EPB41L4A: variants seen among roughly 807,000 people sequenced by gnomAD.
EPB41L4A encodes the protein erythrocyte membrane protein band 4.1 like 4A.
A neutral mutation model predicts 108.6 loss-of-function variants in EPB41L4A; 100 were observed. The ratio of observed to expected loss-of-function variants is 0.92; its 90% CI spans 0.78 to 1.09. The LOEUF (loss-of-function observed/expected upper bound fraction) is 1.09. EPB41L4A is among the 50% of genes least tolerant of loss of function. The probability of loss-of-function intolerance (pLI) is 0.00; values close to 1 mark genes in which losing one functional copy is unlikely to be tolerated. For synonymous variants in EPB41L4A, 319 were observed against 289.0 expected (o/e 1.10, Z -1.05); for missense variants, 1,030 against 842.7 (o/e 1.22, Z -2.75).
In EPB41L4A at chr5:112,164,530, C is replaced by A. The variant is rs200216398; in HGVS notation, c.*460G>T. The stretch of plus-strand genomic sequence containing the variant: ...AAAATACTTATTCTTCCAGTTAAAA[C>A]AAAAAGGTCCTTCAGCACAACTGTG... On this transcript the variant is annotated 3_prime_UTR_variant, in exon 23 of 23. Transcript: ENST00000261486. 1 of 134,792 alleles carries A rather than the reference C, an allele frequency of 7.4e-6. No individual in the cohort carries two copies. Among genetic ancestry groups the A allele is most frequent in the Non-Finnish European group, 1.5e-5 (1 of 67,620 alleles). 8.3% of individuals were successfully genotyped at this position (134,792 alleles called of 1,614,324 possible).
chr5:112,370,494 T>C (rs922255413), intron 1 of EPB41L4A, among the ~76,000 whole-genome samples: 7 of 152,182 alleles, frequency 4.6e-5, no homozygotes, highest in African/African-American at 1.4e-4. Context: ...CAAAACACCC[T>C]CCTAATCAAA....
chr5:112,384,670 A>G (rs1773146982), intron 1 of EPB41L4A, among the ~76,000 whole-genome samples: 1 of 151,528 alleles, frequency 6.6e-6, no homozygotes, highest in African/African-American at 2.4e-5. Flanking sequence ...ATCATGCTTG[A>G]AGCTTCTTTT....
chr5:112,272,138 A>ATT (rs61119854), intron 4 of EPB41L4A, among the ~76,000 whole-genome samples: 22,927 of 136,252 alleles, frequency 0.17, 2,531 homozygotes, highest in East Asian at 0.27. Context: ...CATTATTTGT[A>ATT]TTTTTTTTTT....
chr5:112,321,485 A>G (rs1471805750), intron 1 of EPB41L4A, among the ~76,000 whole-genome samples: 1 of 152,178 alleles, frequency 6.6e-6, no homozygotes, highest in African/African-American at 2.4e-5. Context: ...TATTTGATGG[A>G]AAAACATACT....
intron 1 of EPB41L4A, among the ~76,000 whole-genome samples, chr5:112,399,287 ATCCCATTCTCAGGAAGGCTCCCC>A (rs971662901): frequency 2.0e-5 from 3 of 151,880 alleles, no homozygotes; most frequent in African/African-American, 7.3e-5. Flanking sequence ...CAGCCCAAAC[ATCCCATTCTCAGGAAGGCTCCCC>A]TCCCATTCAA....
intron 17 of EPB41L4A, 112 bp from the exon 18 acceptor site, chr5:112,184,247 C>T (rs1761315012): frequency 5.6e-6 from 7 of 1,251,232 alleles, no homozygotes; most frequent in Non-Finnish European, 5.6e-6. Flanking sequence ...TTATTATGAT[C>T]ATTTATAGCT....
chr5:112,143,240 AG>A (rs1376458397), exon 14 of EPB41L4A: 1 of 152,206 alleles, frequency 6.6e-6, no homozygotes, highest in Non-Finnish European at 1.5e-5. Flanking sequence ...ACTCAGTTTC[AG>A]GGCAGTTAGT....
At chr5:112,309,757 A>C (rs887873937) in intron 1 of EPB41L4A, among the ~76,000 whole-genome samples, 6 of 152,212 alleles carry the variant, frequency 3.9e-5, no homozygotes, top group African/African-American at 1.4e-4. Context: ...AAAGCACAGC[A>C]CTTTCTCCAG....
At chr5:112,279,247 T>G (rs1242517340) in intron 3 of EPB41L4A, among the ~76,000 whole-genome samples, 1 of 152,096 alleles carries the variant, frequency 6.6e-6, no homozygotes, top group Non-Finnish European at 1.5e-5. Context: ...GACTTTCGGA[T>G]GGCTTTGCAG....
At chr5:112,333,581 T>C (rs373582441) in intron 1 of EPB41L4A, among the ~76,000 whole-genome samples, 16 of 152,154 alleles carry the variant, frequency 1.1e-4, no homozygotes, top group African/African-American at 3.9e-4. Context: ...GAGAATGCTG[T>C]CTTCTCAATT....
At chr5:112,187,620 C>G (rs1190302429) in intron 17 of EPB41L4A, among the ~76,000 whole-genome samples, 1 of 152,158 alleles carries the variant, frequency 6.6e-6, no homozygotes, top group Non-Finnish European at 1.5e-5. Context: ...CCTCTTCTTT[C>G]CTGTCTTACC....
intron 1 of EPB41L4A, among the ~76,000 whole-genome samples, chr5:112,380,781 C>T (rs891654621): frequency 7.9e-6 from 1 of 126,360 alleles, no homozygotes; most frequent in Non-Finnish European, 1.7e-5. Context: ...ATCCTCTGCA[C>T]ATCACACACA....
At chr5:112,344,837 T>C (rs1019422652) in intron 1 of EPB41L4A, among the ~76,000 whole-genome samples, 2 of 152,190 alleles carry the variant, frequency 1.3e-5, no homozygotes, top group Admixed American at 6.5e-5. Flanking sequence ...ACTGGTTCTC[T>C]TTCTCTGGTA....
intron 1 of EPB41L4A, among the ~76,000 whole-genome samples, chr5:112,367,919 C>A (rs1186424169): frequency 6.6e-6 from 1 of 152,160 alleles, no homozygotes; most frequent in Non-Finnish European, 1.5e-5. Flanking sequence ...AAAATTGAAT[C>A]TTTGCAGTGC....
At chr5:112,200,268 C>T (rs1172084802) in intron 15 of EPB41L4A, among the ~76,000 whole-genome samples, 2 of 152,174 alleles carry the variant, frequency 1.3e-5, no homozygotes, top group Non-Finnish European at 2.9e-5. Context: ...GCGCAAGCAT[C>T]CAACCTCAGG....
exon 14 of EPB41L4A, chr5:112,142,984 A>C (rs1272060906): frequency 6.6e-6 from 1 of 152,120 alleles, no homozygotes. Context: ...CCACTCACTC[A>C]TTTGGCACCT....
At chr5:112,348,996 G>T (rs1757865344) in intron 1 of EPB41L4A, among the ~76,000 whole-genome samples, 1 of 152,154 alleles carries the variant, frequency 6.6e-6, no homozygotes, top group South Asian at 2.1e-4. Flanking sequence ...GAAGTAAAAA[G>T]GAGAATGCAG....
intron 18 of EPB41L4A, chr5:112,183,307 A>C (rs891202551): frequency 6.6e-6 from 1 of 152,252 alleles, no homozygotes; most frequent in Non-Finnish European, 1.5e-5. Flanking sequence ...AGTAATCAAC[A>C]TCAGACATCT....
At chr5:112,371,471 C>T (rs1759490437) in intron 1 of EPB41L4A, among the ~76,000 whole-genome samples, 1 of 152,148 alleles carries the variant, frequency 6.6e-6, no homozygotes, top group African/African-American at 2.4e-5. Context: ...AATCCCTTGG[C>T]CCCACTTCCC....
Sources: allele counts gnomAD v4.1 joint callset (sites outside exome capture counted in the v4.1 genomes callset), GRCh38; gene constraint gnomAD v4.1.1; transcripts MANE v1.5; gene names NCBI Gene and HGNC (gene_info 2026-07-23, HGNC 2026-07-21).